Variants in TTC34 observed in about 807,000 individuals in gnomAD.
TTC34 encodes the protein tetratricopeptide repeat protein 34.
In TTC34, 44 loss-of-function variants were observed where a neutral mutation model predicts 40.7. That is an observed-to-expected ratio of 1.08 (90% CI 0.85 to 1.39). The LOEUF (loss-of-function observed/expected upper bound fraction) is 1.39, where lower values mean the gene tolerates loss of function less well. Among genes scored for constraint, TTC34 ranks in the 40% most tolerant of loss-of-function variants. The pLI, the probability that TTC34 is intolerant of heterozygous loss-of-function variation, is 0.00. For synonymous variants in TTC34, 422 were observed against 398.6 expected (o/e 1.06, Z -0.70); for missense variants, 884 against 838.0 (o/e 1.05, Z -0.68).
chr1:2,641,997 G>A, intron 8 of TTC34, 102 bp from the exon 9 acceptor site: 1 of 1,282,338 alleles, frequency 7.8e-7, no homozygotes, highest in South Asian at 1.6e-5. Context: ...GCTTCTGCTG[G>A]CTCCCTGGGG....
At chr1:2,683,328 A>T (rs1241821674) in intron 6 of TTC34, among the ~76,000 whole-genome samples, 1 of 148,978 alleles carries the variant, frequency 6.7e-6, no homozygotes, top group African/African-American at 2.5e-5. Context: ...TGAGCATCTG[A>T]CAGACTGGAA....
rs1203203620 is a variant in TTC34, at chr1:2,694,758, G to A, written c.2227-49195C>T. On this transcript the variant is annotated intron_variant, in intron 6 of 8. Coordinates refer to ENST00000401095, the Ensembl canonical transcript of TTC34. The stretch of plus-strand genomic sequence containing the variant: ...GTGGAGCAGCACCCCAAACCCACAG[G>A]TGAGCATCCGACAGCCTGGAGCAGC... Among the ~76,000 whole-genome samples the A allele has an allele frequency of 7.6e-5, 6 of 79,388 alleles. 2 individuals carry two copies. In the South Asian group the frequency reaches 1.1e-3, roughly 14 times the overall value. 52.1% of individuals were successfully genotyped at this position (79,388 alleles called of 152,430 possible). A position where few individuals can be genotyped will look rare whatever the true frequency, so the allele number is the denominator to read the frequency against.
At chr1:2,638,500 A>C (rs772317227) in exon 9 of TTC34, 2 of 152,214 alleles carry the variant, frequency 1.3e-5, no homozygotes, top group Non-Finnish European at 2.9e-5. Context: ...CGAGGCAGGA[A>C]TCGTGCAAAG....
At chr1:2,779,470 C>A (rs907537186) in intron 6 of TTC34, among the ~76,000 whole-genome samples, 1 of 151,976 alleles carries the variant, frequency 6.6e-6, no homozygotes, top group Admixed American at 6.6e-5. Flanking sequence ...ATTACAGGCG[C>A]GTGCCACCAC....
chr1:2,653,406 A>T (rs1297772626), intron 6 of TTC34, among the ~76,000 whole-genome samples: 2 of 146,036 alleles, frequency 1.4e-5, no homozygotes, highest in African/African-American at 5.3e-5. Flanking sequence ...CAGCACCCAC[A>T]CCCCCAGGTG....
At chr1:2,767,976 T>C (rs1641832973) in intron 6 of TTC34, among the ~76,000 whole-genome samples, 1 of 149,840 alleles carries the variant, frequency 6.7e-6, no homozygotes, top group African/African-American at 2.4e-5. Flanking sequence ...CACTCACAGG[T>C]GATGTGACTG....
At chr1:2,641,615 C>T in exon 9 of TTC34, 1 of 1,534,416 alleles carries the variant, frequency 6.5e-7, no homozygotes, top group Non-Finnish European at 8.7e-7. Flanking sequence ...GGCAAAGGCC[C>T]CTGCGGCCGC....
exon 9 of TTC34, chr1:2,639,850 T>C (rs949154419): frequency 6.6e-6 from 1 of 152,488 alleles, no homozygotes; most frequent in Non-Finnish European, 1.5e-5. Context: ...CAGAGACACA[T>C]AGGCGGTGCC....
intron 6 of TTC34, among the ~76,000 whole-genome samples, chr1:2,683,345 C>T (rs557785912): frequency 4.5e-4 from 67 of 148,378 alleles, no homozygotes; most frequent in African/African-American, 1.6e-3. Flanking sequence ...GGAACACCAC[C>T]CTGCACCCCC....
At chr1:2,757,455 G>A (rs1259385919) in intron 6 of TTC34, among the ~76,000 whole-genome samples, 58 of 27,164 alleles carry the variant, frequency 2.1e-3, no homozygotes, top group South Asian at 4.1e-3. Context: ...TGACAGCCTG[G>A]AGCAGCACCC....
At chr1:2,764,390 G>T (rs1260313495) in intron 6 of TTC34, among the ~76,000 whole-genome samples, 1 of 147,290 alleles carries the variant, frequency 6.8e-6, no homozygotes, top group Non-Finnish European at 1.5e-5. Flanking sequence ...ACCCCCGGGC[G>T]AGCATCTGAC....
At chr1:2,793,647 G>A (rs1230869587) in intron 2 of TTC34, among the ~76,000 whole-genome samples, 1 of 152,146 alleles carries the variant, frequency 6.6e-6, no homozygotes, top group East Asian at 1.9e-4. Context: ...AAGGTGAGAG[G>A]TAGGAAATCA....
intron 8 of TTC34, among the ~76,000 whole-genome samples, chr1:2,643,202 G>A (rs1327137934): frequency 1.3e-5 from 2 of 152,228 alleles, no homozygotes; most frequent in Non-Finnish European, 1.5e-5. Flanking sequence ...CCGCGCAGGC[G>A]CAGTGCCACC....
chr1:2,754,560 T>C (rs1244203653), intron 6 of TTC34, among the ~76,000 whole-genome samples: 8 of 35,488 alleles, frequency 2.3e-4, no homozygotes, highest in South Asian at 1.6e-3. Context: ...CATCGGAGAG[T>C]CTGGAGCAGC....
chr1:2,687,492 G>A (rs990495157), intron 6 of TTC34, among the ~76,000 whole-genome samples: 2 of 147,550 alleles, frequency 1.4e-5, no homozygotes, highest in African/African-American at 2.7e-5. Flanking sequence ...ACACACTCAG[G>A]CGAGCATCTG....
intron 6 of TTC34, among the ~76,000 whole-genome samples, chr1:2,686,026 A>C (rs1640325160): frequency 8.0e-6 from 1 of 125,082 alleles, no homozygotes; most frequent in Non-Finnish European, 1.6e-5. Flanking sequence ...GACAGCCTGG[A>C]ACAGCACCCT....
rs757508450 is a variant in TTC34, at chr1:2,783,669, C to T, written c.2166G>A (p.Pro722=). Reference sequence around the variant, plus strand: ...GTCCACACAGTGCCTGCACGTTCCCCGGCTCAGCCCGCAGCACTGTGTTGA... The same window carrying T: ...GTCCACACAGTGCCTGCACGTTCCCTGGCTCAGCCCGCAGCACTGTGTTGA... The change falls in exon 6 of 9, where the codon CCG becomes CCA. Residue 722 remains proline (P), a synonymous_variant. Transcript: ENST00000401095. 98 of 1,537,358 alleles carry T rather than the reference C, an allele frequency of 6.4e-5. No individual in the cohort carries two copies. In the East Asian group the frequency reaches 1.7e-3, roughly 27 times the overall value.
chr1:2,777,320 A>G (rs1187259263), intron 6 of TTC34, among the ~76,000 whole-genome samples: 6 of 129,790 alleles, frequency 4.6e-5, no homozygotes, highest in African/African-American at 1.8e-4. Flanking sequence ...ACATCCTGGA[A>G]CAGCACCCCA....
At chr1:2,764,200 C>G (rs1315652688) in intron 6 of TTC34, among the ~76,000 whole-genome samples, 5 of 149,546 alleles carry the variant, frequency 3.3e-5, no homozygotes, top group African/African-American at 9.9e-5. Context: ...GAGCATCTGA[C>G]AGTCTGGAAC....
Sources: allele counts gnomAD v4.1 joint callset (sites outside exome capture counted in the v4.1 genomes callset), GRCh38; gene constraint gnomAD v4.1.1; transcripts MANE v1.5; gene names NCBI Gene and HGNC (gene_info 2026-07-23, HGNC 2026-07-21).